TSR3: variants seen among roughly 807,000 people sequenced by gnomAD.
TSR3 encodes TSR3 ribosome maturation factor.
In TSR3, 31 loss-of-function variants were observed where a neutral mutation model predicts 28.1. The ratio of observed to expected loss-of-function variants is 1.10; its 90% CI spans 0.83 to 1.49. The LOEUF (loss-of-function observed/expected upper bound fraction) is 1.49. TSR3 is among the 40% of genes most tolerant of loss of function. The probability of loss-of-function intolerance (pLI) is 0.00; values close to 1 mark genes in which losing one functional copy is unlikely to be tolerated. For synonymous variants in TSR3, 219 were observed against 197.2 expected (o/e 1.11, Z -0.93); for missense variants, 511 against 444.0 (o/e 1.15, Z -1.36).
At chr16:1,349,749 C>T (rs1290516225) in intron 5 of TSR3, 140 bp downstream of exon 5, 1 of 1,364,760 alleles carries the variant, frequency 7.3e-7, no homozygotes, top group Non-Finnish European at 1.0e-6. Flanking sequence ...TCCAGTGGGA[C>T]ATGCACTGCA....
Position 1,350,855 on chromosome 16 carries a change from A to G in TSR3, c.478T>C (p.Tyr160His), listed in dbSNP as rs148457434. The stretch of plus-strand genomic sequence containing the variant: ...AACGCTTCCACGCAGGAAAGTCTGT[A>G]GGGCCGGCCATAGTTCACGGGGTTG... The part of the protein sequence containing the change: ...AANPVNYGRP[Y>H]RLSCVEAFAA... Residue 160 changes from tyrosine to histidine, a missense_variant, in exon 3 of 6, where the codon TAC becomes CAC. By Grantham distance (83) the Tyr-to-His change is moderately conservative. Coordinates refer to ENST00000007390, the MANE Select transcript of TSR3 (RefSeq NM_001001410.3). 3.8e-5 allele frequency: 62 copies of G among 1,612,916 alleles called. No individual in the cohort carries two copies. The highest frequency in any genetic ancestry group is 4.5e-5 in the Non-Finnish European group (53 of 1,179,994).
At chr16:1,349,667 A>C in intron 5 of TSR3, 59 bp from the exon 6 acceptor site, 1 of 1,531,730 alleles carries the variant, frequency 6.5e-7, no homozygotes, top group African/African-American at 1.4e-5. Flanking sequence ...GCTGGAGTCA[A>C]CGTCATCCAC....
chr16:1,350,217 C>T lies in TSR3; in HGVS notation c.544G>A (p.Val182Ile). The T allele has an allele frequency of 6.3e-7, 1 of 1,599,058 alleles. No individual in the cohort carries two copies. The highest frequency in any genetic ancestry group is 8.5e-7 in the Non-Finnish European group (1 of 1,177,558). The change falls in exon 4 of 6, where the codon GTC becomes ATC. Residue 182 changes from valine (V) to isoleucine (I), a missense_variant. Coordinates refer to ENST00000007390, the MANE Select transcript of TSR3 (RefSeq NM_001001410.3). Reference sequence around the variant, plus strand: ...CATTTAAACTTCCGCAGCAAAATGACAGCAAGGTCTGGAAAGCCTGACGGT... The same window carrying T: ...CATTTAAACTTCCGCAGCAAAATGATAGCAAGGTCTGGAAAGCCTGACGGT... ...FCIVGFPDLA[V>I]ILLRKFKWGK...
chr16:1,350,051 G>A lies in TSR3; in HGVS notation c.703+7C>T. The A allele has an allele frequency of 4.4e-6, 7 of 1,608,150 alleles. No individual in the cohort carries two copies. The highest frequency in any genetic ancestry group is 6.0e-6 in the Non-Finnish European group (7 of 1,176,464). ...AGGGCCTTGGTTCCCACCCCGCCAA[G>A]GCTCACCGATCTCCTCCTCCTGGGG... On this transcript the variant is annotated splice_region_variant and intron_variant, in intron 4 of 5. Coordinates refer to ENST00000007390, the MANE Select transcript of TSR3 (RefSeq NM_001001410.3).
rs748432640 is a variant in TSR3, at chr16:1,349,324, A to G, written c.*113T>C. 5.1e-6 allele frequency: 6 copies of G among 1,182,252 alleles called. No homozygotes were observed. In the South Asian group the frequency reaches 6.2e-5, roughly 12 times the overall value. 73.2% of individuals were successfully genotyped at this position (1,182,252 alleles called of 1,614,324 possible). A position where few individuals can be genotyped will look rare whatever the true frequency, so the allele number is the denominator to read the frequency against. ...CTGGAAGTGTGGGGAGAACCCGGAC[A>G]GCTCAGTCCTGCCAGCAGCCGCAAA... On this transcript the variant is annotated 3_prime_UTR_variant, in exon 6 of 6. Transcript: ENST00000007390.
At chr16:1,350,674 T>C (rs1209491890) in intron 3 of TSR3, 133 bp downstream of exon 3, 5 of 1,053,802 alleles carry the variant, frequency 4.7e-6, no homozygotes, top group Non-Finnish European at 6.9e-6. Flanking sequence ...GCTGGAACCG[T>C]GGTCTGTCTG....
Position 1,349,944 on chromosome 16 carries a change from C to T in TSR3, c.712G>A (p.Asp238Asn), listed in dbSNP as rs764185089. The T allele has an allele frequency of 7.4e-6, 12 of 1,613,456 alleles. No individual in the cohort carries two copies. In the East Asian group the frequency reaches 1.8e-4, roughly 24 times the overall value. Reference sequence around the variant, plus strand: ...CCAAACTCTCTCCCTGAATCCACATCGAAGGGATCTGAGCCGAGAGAGGAA... The same window carrying T: ...CCAAACTCTCTCCCTGAATCCACATTGAAGGGATCTGAGCCGAGAGAGGAA... ...SPQEEEIDPFDVDSGREFGNP... is the reference protein window; with the variant it reads ...SPQEEEIDPFNVDSGREFGNP... The change falls in exon 5 of 6, where the codon GAT becomes AAT. Residue 238 changes from aspartate to asparagine, a missense_variant. Coordinates refer to ENST00000007390, the MANE Select transcript of TSR3 (RefSeq NM_001001410.3).
At position 1,349,272 on chromosome 16, in the gene TSR3, C is replaced by T. The variant is rs1038981968; in HGVS notation, c.*165G>A. 10 of 774,298 alleles carry T rather than the reference C, an allele frequency of 1.3e-5. No individual in the cohort carries two copies. Among genetic ancestry groups the T allele is most frequent in the Non-Finnish European group, 2.0e-5 (9 of 455,806 alleles). The allele number at this position is 774,298 out of a possible 1,614,324, so 48.0% of individuals were successfully genotyped here. A position where few individuals can be genotyped will look rare whatever the true frequency, so the allele number is the denominator to read the frequency against. ...CCTGCAGCTTCATTTGCGAGAGCGC[C>T]GAGGCAGGACACAGAGCACAGCTGT... is the stretch of plus-strand genomic sequence containing the variant. On this transcript the variant is annotated 3_prime_UTR_variant, in exon 6 of 6. Transcript: ENST00000007390.
At chr16:1,350,343 C>A in intron 3 of TSR3, 109 bp from the exon 4 acceptor site, 1 of 1,216,674 alleles carries the variant, frequency 8.2e-7, no homozygotes, top group South Asian at 1.5e-5. Flanking sequence ...CGCAGGGTCC[C>A]CAGCAAACAT....
chr16:1,349,423 T>A lies in TSR3; in HGVS notation c.*14A>T, dbSNP rs780838933. On this transcript the variant is annotated 3_prime_UTR_variant, in exon 6 of 6. Coordinates refer to ENST00000007390, the MANE Select transcript of TSR3 (RefSeq NM_001001410.3). The stretch of plus-strand genomic sequence containing the variant: ...CTCGTCACCCAGCCTCAAAAATATA[T>A]GTGTCTGCAACCCTCAGTCTCTCTG... 1 of 1,613,618 alleles carries A rather than the reference T, an allele frequency of 6.2e-7. No individual in the cohort carries two copies. Among genetic ancestry groups the A allele is most frequent in the East Asian group, 2.2e-5 (1 of 44,880 alleles).
In TSR3 at chr16:1,349,426, G is replaced by A. The variant is rs1329711227; in HGVS notation, c.*11C>T. ...GTCACCCAGCCTCAAAAATATATGT[G>A]TCTGCAACCCTCAGTCTCTCTGCCG... On this transcript the variant is annotated 3_prime_UTR_variant, in exon 6 of 6. Coordinates refer to ENST00000007390, the MANE Select transcript of TSR3 (RefSeq NM_001001410.3). 2.5e-6 allele frequency: 4 copies of A among 1,613,502 alleles called. No individual in the cohort carries two copies. The highest frequency in any genetic ancestry group is 2.5e-6 in the Non-Finnish European group (3 of 1,179,882).
chr16:1,351,482 TG>T lies in TSR3; in HGVS notation c.228del (p.Lys77SerfsTer22). The T allele has an allele frequency of 6.3e-7, 1 of 1,576,170 alleles. No homozygotes were observed. The highest frequency in any genetic ancestry group is 8.6e-7 in the Non-Finnish European group (1 of 1,169,488). On this transcript the variant is annotated frameshift_variant, in exon 2 of 6. Transcript: ENST00000007390. LOFTEE classifies it high-confidence loss of function. ...GHCDPRRCTGRKLARLGLVRC... is the reference protein window; with the variant it reads ...GHCDPRRCTGXKLARLGLVRC... ...CGCACCAGCCCCAGGCGGGCCAGCT[TG>T]CGGCCCGTGCAGCGCCGGGGGTCGC... is the stretch of plus-strand genomic sequence containing the variant.
At position 1,349,933 on chromosome 16, in the gene TSR3, T is replaced by A; in HGVS notation, c.723A>T (p.Ser241=). ...EEEIDPFDVD[S]GREFGNPNRP... ...TGTTGGGGTTTCCAAACTCTCTCCC[T>A]GAATCCACATCGAAGGGATCTGAGC... The change falls in exon 5 of 6, where the codon TCA becomes TCT. Residue 241 remains serine (S), a synonymous_variant. Coordinates refer to ENST00000007390, the MANE Select transcript of TSR3 (RefSeq NM_001001410.3). 3.7e-6 allele frequency: 6 copies of A among 1,613,564 alleles called. No individual in the cohort carries two copies. Among genetic ancestry groups the A allele is most frequent in the Non-Finnish European group, 5.1e-6 (6 of 1,180,002 alleles).
At position 1,350,121 on chromosome 16, in the gene TSR3, C is replaced by T. The variant is rs780808158; in HGVS notation, c.640G>A (p.Val214Met). ...AAGAACTCCTGCTCCGCCTGCAGCACCTCCTCCGGGCTGCCGCAGGCCGCG... is the reference window on the plus strand; with the variant it reads ...AAGAACTCCTGCTCCGCCTGCAGCATCTCCTCCGGGCTGCCGCAGGCCGCG... ...KYAACGSPEEVLQAEQEFLAN... is the reference protein window; with the variant it reads ...KYAACGSPEEMLQAEQEFLAN... The change falls in exon 4 of 6, where the codon GTG becomes ATG. Residue 214 changes from valine (V) to methionine (M), a missense_variant. By Grantham distance (21) the Val-to-Met change is conservative. Transcript: ENST00000007390. 6.2e-6 allele frequency: 10 copies of T among 1,611,492 alleles called. No homozygotes were observed. The East Asian group carries it at 2.0e-4, about 32-fold the overall frequency.
chr16:1,349,618 G>GA lies in TSR3; in HGVS notation c.768-11dup, dbSNP rs777504661. The stretch of plus-strand genomic sequence containing the variant: ...AGTGTCCGAGGGCAGCCTGGGAGAG[G>GA]AGGGGGAGCACGTTCCCAAATGACG... On this transcript the variant is annotated splice_polypyrimidine_tract_variant and intron_variant, in intron 5 of 5. Coordinates refer to ENST00000007390, the MANE Select transcript of TSR3 (RefSeq NM_001001410.3). 6.3e-7 allele frequency: 1 copy of GA among 1,582,490 alleles called. No individual in the cohort carries two copies. Among genetic ancestry groups the GA allele is most frequent in the South Asian group, 1.1e-5 (1 of 87,282 alleles).
Position 1,349,783 on chromosome 16 carries a change from G to C in TSR3, c.767+106C>G, listed in dbSNP as rs1468129951. On this transcript the variant is annotated intron_variant, in intron 5 of 5. Coordinates refer to ENST00000007390, the MANE Select transcript of TSR3 (RefSeq NM_001001410.3). ...CAGGTTTTCTAGTCAGAAGACCATC[G>C]GGGTGTTGTTTACAACACCACCCCC... 7 of 1,449,490 alleles carry C rather than the reference G, an allele frequency of 4.8e-6. No homozygotes were observed. The East Asian group carries it at 6.9e-5, about 14-fold the overall frequency. The allele number at this position is 1,449,490 out of a possible 1,614,324, so 89.8% of individuals were successfully genotyped here.
At chr16:1,350,475 G>A (rs1342636460) in intron 3 of TSR3, among the ~76,000 whole-genome samples, 1 of 152,084 alleles carries the variant, frequency 6.6e-6, no homozygotes, top group East Asian at 1.9e-4. Flanking sequence ...CACCAAGACT[G>A]CCCCACGCCT....
chr16:1,350,170 C>T lies in TSR3; in HGVS notation c.591G>A (p.Leu197=), dbSNP rs201696319. 1.9e-5 allele frequency: 31 copies of T among 1,610,974 alleles called. No homozygotes were observed. In the Admixed American group the frequency reaches 4.3e-4, roughly 23 times the overall value. The change falls in exon 4 of 6, where the codon CTG becomes CTA. Residue 197 remains leucine, a synonymous_variant. Transcript: ENST00000007390. ...CGTACTTGTCCAGGAGCTGGCGGTT[C>T]AGGTCCAAGAAGCCCTTGCCCCATT... The part of the protein sequence containing the change: ...KFKWGKGFLD[L]NRQLLDKYAA...
rs113774682 is a variant in TSR3, at chr16:1,350,107, C to T, written c.654G>A (p.Glu218=). Residue 218 remains glutamate, a synonymous_variant, in exon 4 of 6, where the codon GAG becomes GAA. Transcript: ENST00000007390. ...CGSPEEVLQA[E]QEFLANAKES... is the part of the protein sequence containing the mutation. Reference sequence around the variant, plus strand: ...CCTTGGCATTGGCCAAGAACTCCTGCTCCGCCTGCAGCACCTCCTCCGGGC... The same window carrying T: ...CCTTGGCATTGGCCAAGAACTCCTGTTCCGCCTGCAGCACCTCCTCCGGGC... The T allele has an allele frequency of 2.9e-5, 47 of 1,611,092 alleles. 1 individual carries two copies. In the African/African-American group the frequency reaches 4.4e-4, roughly 15 times the overall value.
Sources: gnomAD v4.1 joint callset for allele counts (sites outside exome capture counted in the v4.1 genomes callset) on GRCh38, gnomAD v4.1.1 for gene constraint, MANE v1.5 for transcripts, NCBI Gene and HGNC (gene_info 2026-07-23, HGNC 2026-07-21) for gene names.